Variants in RTN4 observed in about 807,000 individuals in gnomAD.
RTN4 encodes reticulon 4.
A neutral mutation model predicts 90.4 loss-of-function variants in RTN4; 32 were observed. The observed-to-expected ratio is 0.35, with a 90% CI of 0.27 to 0.48. The LOEUF is 0.48. Ranked by LOEUF, RTN4 falls within the 20% of genes least tolerant of loss-of-function variation. RTN4 has a pLI of 0.99. For missense variants in RTN4, 1,706 were observed against 1,430.2 expected, an observed-to-expected ratio of 1.19 and a Z score of -3.11; for synonymous variants, 629 against 552.5, an observed-to-expected ratio of 1.14 and a Z score of -1.94.
chr2:55,063,490 C>T (rs150688853), intron 2 of RTN4, among the ~76,000 whole-genome samples: 2 of 151,054 alleles, frequency 1.3e-5, no homozygotes, highest in African/African-American at 4.9e-5. Flanking sequence ...GCAGATGCAA[C>T]GTCATTTAGG....
chr2:54,977,911 A>G (rs1304217067), intron 5 of RTN4, among the ~76,000 whole-genome samples: 2 of 152,218 alleles, frequency 1.3e-5, no homozygotes, highest in Non-Finnish European at 2.9e-5. Flanking sequence ...GTCAACCACC[A>G]GGAAACTTGG....
chr2:55,124,229 G>A, the RTN4 span, among the ~76,000 whole-genome samples: 1 of 152,184 alleles, frequency 6.6e-6, no homozygotes, highest in Non-Finnish European at 1.5e-5. Context: ...TTCCTGAGGA[G>A]GGGGCATAGC....
upstream of RTN4, among the ~76,000 whole-genome samples, chr2:55,055,726 C>A (rs868164198): frequency 6.6e-6 from 1 of 150,706 alleles, no homozygotes; most frequent in Non-Finnish European, 1.5e-5. Context: ...GCAGAGATCG[C>A]GCCACTGCAC....
chr2:54,999,480 G>A (rs931454988), intron 3 of RTN4, among the ~76,000 whole-genome samples: 1 of 152,108 alleles, frequency 6.6e-6, no homozygotes, highest in African/African-American at 2.4e-5. Flanking sequence ...CGGGGCAGTG[G>A]GGAGTTAAAC....
intron 5 of RTN4, among the ~76,000 whole-genome samples, chr2:54,980,328 C>A (rs965623152): frequency 6.9e-6 from 1 of 144,682 alleles, no homozygotes; most frequent in African/African-American, 2.6e-5. Context: ...CTAACATTTT[C>A]TCTCTCCTCT....
At chr2:55,004,541 C>T (rs1394775630) in intron 3 of RTN4, among the ~76,000 whole-genome samples, 1 of 152,094 alleles carries the variant, frequency 6.6e-6, no homozygotes, top group Non-Finnish European at 1.5e-5. Flanking sequence ...CCTTCAGTTG[C>T]TGAATTGTTC....
chr2:55,011,349 A>G (rs1680627264), intron 3 of RTN4, among the ~76,000 whole-genome samples: 1 of 152,158 alleles, frequency 6.6e-6, no homozygotes, highest in African/African-American at 2.4e-5. Context: ...GAAAAATATA[A>G]AAACAAATCT....
chr2:54,999,874 T>C (rs1307750909), intron 3 of RTN4, among the ~76,000 whole-genome samples: 2 of 152,176 alleles, frequency 1.3e-5, no homozygotes, highest in Non-Finnish European at 2.9e-5. Flanking sequence ...AAAGGATCTG[T>C]GCAGAGTTTA....
At chr2:55,097,851 G>C (rs1667772893) in intron 1 of RTN4, among the ~76,000 whole-genome samples, 1 of 152,066 alleles carries the variant, frequency 6.6e-6, no homozygotes, top group Non-Finnish European at 1.5e-5. Flanking sequence ...TGAATCACCA[G>C]TGTATAGGCA....
At position 55,050,117 on chromosome 2, in the gene RTN4, C is replaced by G. The variant is rs190624391; in HGVS notation, c.184G>C (p.Gly62Arg). Residue 62 changes from glycine (G) to arginine (R), a missense_variant, in exon 1 of 9, where the codon GGG becomes CGG. Transcript: ENST00000337526. This position sits in a 1 kb window ranked among gnomAD's most constrained non-coding sequence, Gnocchi z 4.6. ...GTGGGCACTGGGGCCGCGGACAGCC[C>G]GGCGGCGGGCTTCCTCTCCAGCACC... Reference protein sequence around the residue: ...LEVLERKPAAGLSAAPVPTAP... With the variant: ...LEVLERKPAARLSAAPVPTAP... 4.6e-6 allele frequency: 7 copies of G among 1,508,002 alleles called. No homozygotes were observed. Among genetic ancestry groups the G allele is most frequent in the African/African-American group, 4.3e-5 (3 of 69,998 alleles). 93.4% of individuals were successfully genotyped at this position (1,508,002 alleles called of 1,614,324 possible).
At chr2:55,101,505 C>G (rs1027982112) in intron 1 of RTN4, among the ~76,000 whole-genome samples, 2 of 151,984 alleles carry the variant, frequency 1.3e-5, no homozygotes, top group Non-Finnish European at 2.9e-5. Flanking sequence ...TTCTCAGAAT[C>G]CAAAATGATT....
At chr2:55,089,033 A>G (rs1211829639) in intron 1 of RTN4, among the ~76,000 whole-genome samples, 1 of 152,084 alleles carries the variant, frequency 6.6e-6, no homozygotes, top group African/African-American at 2.4e-5. Context: ...CCTGGGTTCA[A>G]GCAATTCTCC....
chr2:55,117,296 G>T (rs140742481), upstream of RTN4, among the ~76,000 whole-genome samples: 31 of 152,348 alleles, frequency 2.0e-4, no homozygotes, highest in East Asian at 5.2e-3. Context: ...CACACTGGTT[G>T]AATATTGGGT....
chr2:55,033,901 A>G (rs988590178), intron 1 of RTN4, among the ~76,000 whole-genome samples: 5 of 152,194 alleles, frequency 3.3e-5, no homozygotes, highest in Admixed American at 2.0e-4. Flanking sequence ...CAATTCTTCT[A>G]GCTATTCTGA....
chr2:54,982,221 G>T (rs1025696068), intron 5 of RTN4, among the ~76,000 whole-genome samples: 2 of 151,888 alleles, frequency 1.3e-5, no homozygotes, highest in Non-Finnish European at 2.9e-5. Context: ...CTCCCAAAGT[G>T]CTAGGATTAC....
intron 1 of RTN4, among the ~76,000 whole-genome samples, chr2:55,105,931 T>C (rs1390839428): frequency 6.6e-6 from 1 of 152,096 alleles, no homozygotes. Flanking sequence ...AGTGAGCTAT[T>C]ATCATGCCAC....
Position 55,104,855 on chromosome 2 carries a change from G to A in RTN4, c.-214+7665C>T, listed in dbSNP as rs144852556. Among the ~76,000 whole-genome samples the A allele has an allele frequency of 3.5e-3, 539 of 152,132 alleles. 4 individuals are homozygous for A. Among genetic ancestry groups the A allele is most frequent in the African/African-American group, 0.012 (513 of 41,462 alleles). ...AGAGTCTCATTCTGTCGCCCAGGCT[G>A]GAGTGCAGTGGTGCGATCTTGGTTC... On this transcript the variant is annotated intron_variant, in intron 1 of 3. Coordinates refer to the RTN4 transcript ENST00000427710.
intron 1 of RTN4, among the ~76,000 whole-genome samples, chr2:55,083,662 G>A (rs1021630514): frequency 6.6e-6 from 1 of 152,146 alleles, no homozygotes; most frequent in Non-Finnish European, 1.5e-5. Context: ...AACTATAAGG[G>A]GAAAAATTGT....
chr2:55,086,978 A>G (rs1236796308), intron 1 of RTN4, among the ~76,000 whole-genome samples: 3 of 151,960 alleles, frequency 2.0e-5, no homozygotes, highest in Non-Finnish European at 4.4e-5. Flanking sequence ...ACCTTATATA[A>G]ATGGAATCCT....
Sources: allele counts gnomAD v4.1 joint callset (sites outside exome capture counted in the v4.1 genomes callset), GRCh38; gene constraint gnomAD v4.1.1; non-coding constraint Gnocchi (gnomAD v3.1); transcripts MANE v1.5; gene names NCBI Gene and HGNC (gene_info 2026-07-23, HGNC 2026-07-21).